The following RANBP2 variants were observed in gnomAD, a reference collection of about 807,000 sequenced individuals.
RANBP2 encodes E3 SUMO-protein ligase RanBP2.
RANBP2 carries 57 observed loss-of-function variants against 303.6 expected under a neutral mutation model. The observed-to-expected ratio is 0.19, with a 90% CI of 0.15 to 0.23. RANBP2 has a LOEUF of 0.23. Ranked by LOEUF, RANBP2 falls within the 10% of genes least tolerant of loss-of-function variation. RANBP2 has a pLI of 1.00. For missense variants in RANBP2, 3,138 were observed against 3,780.8 expected, an observed-to-expected ratio of 0.83 and a Z score of 4.46; for synonymous variants, 1,167 against 1,301.5, an observed-to-expected ratio of 0.90 and a Z score of 2.23.
At chr2:109,265,340 CA>C in the RANBP2 span, among the ~76,000 whole-genome samples, 2 of 152,136 alleles carry the variant, frequency 1.3e-5, no homozygotes, top group Non-Finnish European at 2.9e-5. Flanking sequence ...CAAAATACTG[CA>C]AAATGGAAGA....
the RANBP2 span, chr2:109,399,050 G>A: frequency 6.3e-6 from 8 of 1,267,608 alleles, no homozygotes; most frequent in Admixed American, 6.8e-5. Flanking sequence ...GGCCGCCCCA[G>A]AACTGCCTTT....
chr2:109,763,699 T>G, the RANBP2 span, among the ~76,000 whole-genome samples: 2 of 150,554 alleles, frequency 1.3e-5, no homozygotes. Flanking sequence ...ATTGAAAGCT[T>G]CTTCCTTTGA....
At chr2:109,519,191 T>A in the RANBP2 span, among the ~76,000 whole-genome samples, 1 of 152,058 alleles carries the variant, frequency 6.6e-6, no homozygotes, top group Non-Finnish European at 1.5e-5. Context: ...AGTGCTGGGA[T>A]TACAGGCTTG....
At chr2:109,683,759 T>C in the RANBP2 span, among the ~76,000 whole-genome samples, 4 of 152,182 alleles carry the variant, frequency 2.6e-5, no homozygotes, top group Admixed American at 2.6e-4. Flanking sequence ...ACCCGACCTT[T>C]TGTGACTCCT....
intron 7 of RANBP2, among the ~76,000 whole-genome samples, chr2:108,745,535 A>C (rs1696433846): frequency 6.6e-6 from 1 of 151,228 alleles, no homozygotes; most frequent in East Asian, 1.9e-4. Context: ...TTTCTTTTAT[A>C]AAATAATTTT....
rs774021991 is a variant in RANBP2 at position 108,768,300 on chromosome 2, G to T, written c.7761G>T (p.Gln2587His). The change falls in exon 20 of 29, where the codon CAG becomes CAT. Residue 2587 changes from glutamine (Q) to histidine (H), a missense_variant. Physicochemically the swap from Gln to His is conservative, Grantham distance 24. Transcript: ENST00000283195. The part of the protein sequence containing the change: ...CELSKNSDIE[Q>H]SSDSKVKNLF... ...TGTCAAAGAACTCTGATATCGAACAGTCTTCAGATAGCAAAGTCAAAAATC... is the reference window on the plus strand; with the variant it reads ...TGTCAAAGAACTCTGATATCGAACATTCTTCAGATAGCAAAGTCAAAAATC... 1 of 1,611,880 alleles carries T rather than the reference G, an allele frequency of 6.2e-7. No homozygotes were observed. Among genetic ancestry groups the T allele is most frequent in the Non-Finnish European group, 8.5e-7 (1 of 1,179,866 alleles).
At chr2:109,311,336 C>T in the RANBP2 span, among the ~76,000 whole-genome samples, 1 of 104,340 alleles carries the variant, frequency 9.6e-6, no homozygotes, top group Non-Finnish European at 1.8e-5. Context: ...ATTGATGGGA[C>T]GTATTTCAAA....
the RANBP2 span, among the ~76,000 whole-genome samples, chr2:108,862,489 G>C: frequency 5.3e-5 from 8 of 152,046 alleles, no homozygotes; most frequent in Non-Finnish European, 4.4e-5. Flanking sequence ...GTATAATGTG[G>C]TGATTACAGT....
chr2:109,253,052 G>A, the RANBP2 span, among the ~76,000 whole-genome samples: 1 of 151,880 alleles, frequency 6.6e-6, no homozygotes, highest in African/African-American at 2.4e-5. Context: ...TTAAGAGCTA[G>A]AGTCTTGCTC....
At chr2:109,267,452 C>T in the RANBP2 span, among the ~76,000 whole-genome samples, 15 of 152,226 alleles carry the variant, frequency 9.9e-5, no homozygotes, top group South Asian at 2.1e-4. Context: ...GCCTGGCTCC[C>T]GGGCTGCTTT....
intron 1 of RANBP2, among the ~76,000 whole-genome samples, chr2:108,720,953 G>T (rs1694188122): frequency 6.6e-6 from 1 of 152,110 alleles, no homozygotes. Context: ...GGAGGCTGAG[G>T]CAGGAGAGTC....
At chr2:109,065,416 C>T in the RANBP2 span, among the ~76,000 whole-genome samples, 3 of 152,130 alleles carry the variant, frequency 2.0e-5, no homozygotes, top group Admixed American at 6.5e-5. Context: ...CTTGGGGCTG[C>T]CGACTCTGCA....
At chr2:109,256,896 G>A in the RANBP2 span, among the ~76,000 whole-genome samples, 1 of 152,090 alleles carries the variant, frequency 6.6e-6, no homozygotes, top group Non-Finnish European at 1.5e-5. Flanking sequence ...TAATTGAATG[G>A]CATTTTTATG....
the RANBP2 span, among the ~76,000 whole-genome samples, chr2:109,017,850 C>T: frequency 2.0e-5 from 3 of 152,132 alleles, no homozygotes; most frequent in East Asian, 3.9e-4. Flanking sequence ...GTGAAGACAC[C>T]TTCTAAATCC....
At chr2:108,955,668 T>A in the RANBP2 span, among the ~76,000 whole-genome samples, 1 of 152,200 alleles carries the variant, frequency 6.6e-6, no homozygotes, top group East Asian at 1.9e-4. Flanking sequence ...ATCACACCAC[T>A]GCACTATAGC....
chr2:109,646,366 AAATAAAAT>A, the RANBP2 span, among the ~76,000 whole-genome samples: 1 of 152,220 alleles, frequency 6.6e-6, no homozygotes, highest in Non-Finnish European at 1.5e-5. Flanking sequence ...TAAAAATCAC[AAATAAAAT>A]ATTACTATAT....
the RANBP2 span, among the ~76,000 whole-genome samples, chr2:109,035,340 C>G: frequency 6.6e-6 from 1 of 152,068 alleles, no homozygotes; most frequent in Non-Finnish European, 1.5e-5. Flanking sequence ...CCCAGACACT[C>G]CCTCTTACAG....
the RANBP2 span, among the ~76,000 whole-genome samples, chr2:109,429,932 G>A: frequency 1.3e-5 from 2 of 152,274 alleles, no homozygotes; most frequent in Non-Finnish European, 1.5e-5. Flanking sequence ...GTCAGCGGGT[G>A]TAGCCGCAGC....
At chr2:109,386,041 G>A in the RANBP2 span, among the ~76,000 whole-genome samples, 1 of 152,204 alleles carries the variant, frequency 6.6e-6, no homozygotes, top group Non-Finnish European at 1.5e-5. Flanking sequence ...TGAGGGATGA[G>A]CTGGAATGGA....
Sources: allele counts gnomAD v4.1 joint callset (sites outside exome capture counted in the v4.1 genomes callset), GRCh38; gene constraint gnomAD v4.1.1; transcripts MANE v1.5; gene names NCBI Gene and HGNC (gene_info 2026-07-23, HGNC 2026-07-21).